Variants in SYTL4 observed in about 807,000 individuals in gnomAD.
SYTL4 encodes synaptotagmin like 4.
SYTL4 carries 16 observed loss-of-function variants against 52.7 expected under a neutral mutation model. That is an observed-to-expected ratio of 0.30 (90% confidence interval 0.21 to 0.46). SYTL4 has a LOEUF of 0.46. SYTL4 is among the 20% of genes least tolerant of loss of function. SYTL4 has a pLI of 1.00. For missense variants in SYTL4, 423 were observed against 519.9 expected (o/e 0.81, Z 1.81); for synonymous variants, 160 against 186.6 (o/e 0.86, Z 1.16).
At position 100,682,045 on chromosome X, in the gene SYTL4, G is replaced by A. The variant is rs1684089408; in HGVS notation, c.1450-710C>T. Among the ~76,000 whole-genome samples, 3 of 111,888 alleles carry A rather than the reference G, an allele frequency of 2.7e-5. No individual in the cohort carries two copies. The Admixed American group carries it at 2.8e-4, about 11-fold the overall frequency. On this transcript the variant is annotated intron_variant, in intron 16 of 19. Coordinates refer to ENST00000372989, the MANE Select transcript of SYTL4 (RefSeq NM_001370165.1). ...GTTTGATGACTGTCTCTATGAGACA[G>A]GTACTATTAACTCCATTTTACAACT... is the stretch of plus-strand genomic sequence containing the variant.
At chrX:100,730,183 T>G (rs955355734) in intron 2 of SYTL4, among the ~76,000 whole-genome samples, 3 of 111,418 alleles carry the variant, frequency 2.7e-5, no homozygotes, top group Admixed American at 9.5e-5. Flanking sequence ...CCGGGAGATT[T>G]CATTCATCTA....
At chrX:100,715,945 CAAAA>C (rs769194042) in intron 2 of SYTL4, among the ~76,000 whole-genome samples, 2,936 of 53,529 alleles carry the variant, frequency 0.055, 117 homozygotes, top group South Asian at 0.15. Context: ...CTCTCTCTCT[CAAAA>C]AAAAAAAAAA....
At chrX:100,712,554 G>C (rs978986289) in intron 2 of SYTL4, among the ~76,000 whole-genome samples, 1 of 112,268 alleles carries the variant, frequency 8.9e-6, no homozygotes, top group African/African-American at 3.2e-5. Flanking sequence ...GGAAAAACTA[G>C]ATATCCATAT....
intron 17 of SYTL4, 139 bp from the exon 18 acceptor site, chrX:100,679,551 A>G: frequency 2.1e-6 from 1 of 469,636 alleles, no homozygotes; most frequent in Non-Finnish European, 3.7e-6. Context: ...CTGTCTCCTC[A>G]GTGCCTAGCA....
At chrX:100,719,058 C>T (rs1454665034) in intron 2 of SYTL4, among the ~76,000 whole-genome samples, 1 of 111,275 alleles carries the variant, frequency 9.0e-6, no homozygotes, top group Non-Finnish European at 1.9e-5. Context: ...GGCCTCCCAA[C>T]GTGCTGGGAT....
intron 2 of SYTL4, among the ~76,000 whole-genome samples, chrX:100,720,447 T>C (rs1602919973): frequency 8.9e-6 from 1 of 112,594 alleles, no homozygotes; most frequent in East Asian, 2.8e-4. Context: ...CAGAACACTA[T>C]TATCTTTCCT....
chrX:100,679,496 C>A, intron 17 of SYTL4, 84 bp from the exon 18 acceptor site: 1 of 795,095 alleles, frequency 1.3e-6, no homozygotes. Context: ...ACTTTCTTTG[C>A]TTGCTCCTAA....
At chrX:100,728,775 C>T (rs1488969014) in intron 2 of SYTL4, among the ~76,000 whole-genome samples, 7 of 111,756 alleles carry the variant, frequency 6.3e-5, no homozygotes, top group Admixed American at 9.5e-5. Context: ...CGGTGGCTCA[C>T]GCCTGTAATC....
chrX:100,702,314 C>T (rs1189181241), intron 4 of SYTL4, among the ~76,000 whole-genome samples: 3 of 112,064 alleles, frequency 2.7e-5, no homozygotes, highest in East Asian at 5.6e-4. Flanking sequence ...AAAAGTTATT[C>T]GTGACTCTGG....
chrX:100,716,099 G>T (rs1007391373), intron 2 of SYTL4, among the ~76,000 whole-genome samples: 46 of 109,604 alleles, frequency 4.2e-4, no homozygotes, highest in Non-Finnish European at 7.4e-4. Context: ...GCCCTAAAAG[G>T]TAGCAAAATC....
chrX:100,696,402 T>C (rs762753619), intron 8 of SYTL4, among the ~76,000 whole-genome samples: 2 of 112,078 alleles, frequency 1.8e-5, no homozygotes, highest in South Asian at 3.7e-4. Context: ...TCACCAACAA[T>C]TGGCATGGTC....
In SYTL4 at chrX:100,674,568, G is replaced by A. The variant is rs987478213; in HGVS notation, c.*1460C>T. The A allele has an allele frequency of 8.9e-6, 1 of 112,008 alleles. No individual in the cohort carries two copies. The highest frequency in any genetic ancestry group is 1.9e-5 in the Non-Finnish European group (1 of 53,143). 9.2% of individuals were successfully genotyped at this position (112,008 alleles called of 1,213,427 possible). On this transcript the variant is annotated 3_prime_UTR_variant, in exon 20 of 20. Coordinates refer to ENST00000372989, the MANE Select transcript of SYTL4 (RefSeq NM_001370165.1). ...GAAACAAAAGAGCAAGTTACAGCCC[G>A]GGATCCCAAGTTATGCCTTCCATTA...
Position 100,690,554 on chromosome X carries a change from G to T in SYTL4, c.717+9C>A. The T allele has an allele frequency of 8.3e-7, 1 of 1,200,808 alleles. No individual in the cohort carries two copies. ...GGGGAGGAAGGTGGCTCAATAACCT[G>T]AAGCTTACCTTTTCTACTTGAGATT... is the stretch of plus-strand genomic sequence containing the variant. On this transcript the variant is annotated intron_variant, in intron 10 of 19. Transcript: ENST00000372989.
rs1342751476 is a variant in SYTL4, at chrX:100,719,359, C to T, written c.-240+12059G>A. Among the ~76,000 whole-genome samples, 3 of 111,402 alleles carry T rather than the reference C, an allele frequency of 2.7e-5. No homozygotes were observed. The South Asian group carries it at 1.2e-3, about 43-fold the overall frequency. ...GACCCAGGCCGTCTGGTTCCAGAGT[C>T]CAAGCTCTTAACCGTTACATTACAT... is the stretch of plus-strand genomic sequence containing the variant. On this transcript the variant is annotated intron_variant, in intron 2 of 19. Transcript: ENST00000372989.
intron 2 of SYTL4, among the ~76,000 whole-genome samples, chrX:100,714,150 A>AAAACT (rs1407785633): frequency 1.5e-4 from 17 of 112,313 alleles, no homozygotes; most frequent in African/African-American, 4.9e-4. Context: ...AAACATTTTA[A>AAAACT]TATTAAATGT....
chrX:100,726,099 G>A (rs1013923746), intron 2 of SYTL4, among the ~76,000 whole-genome samples: 3 of 107,955 alleles, frequency 2.8e-5, no homozygotes, highest in South Asian at 4.1e-4. Flanking sequence ...TTCTGTCACG[G>A]CCACCCGGAA....
chrX:100,690,521 G>A, intron 10 of SYTL4, 42 bp downstream of exon 10: 2 of 1,080,478 alleles, frequency 1.9e-6, no homozygotes, highest in Non-Finnish European at 2.6e-6. Context: ...AGAAAGGGAA[G>A]GAAGGGAGGG....
chrX:100,705,828 G>A (rs777651460), intron 2 of SYTL4, among the ~76,000 whole-genome samples: 3 of 111,651 alleles, frequency 2.7e-5, no homozygotes, highest in Non-Finnish European at 5.6e-5. Context: ...TTATGGACCT[G>A]ACCAACCAGA....
At chrX:100,700,131 C>T (rs946093215) in intron 8 of SYTL4, among the ~76,000 whole-genome samples, 6 of 110,923 alleles carry the variant, frequency 5.4e-5, no homozygotes, top group Admixed American at 1.9e-4. Flanking sequence ...TGAAAATTTT[C>T]TAAAATTGAT....
Sources: gnomAD v4.1 joint callset for allele counts (sites outside exome capture counted in the v4.1 genomes callset) on GRCh38, gnomAD v4.1.1 for gene constraint, MANE v1.5 for transcripts, NCBI Gene and HGNC (gene_info 2026-07-23, HGNC 2026-07-21) for gene names.